Variants in SUMF1 observed in about 807,000 individuals in gnomAD.
SUMF1 encodes the protein formylglycine-generating enzyme.
SUMF1 carries 48 observed loss-of-function variants against 47.6 expected under a neutral mutation model. That is an observed-to-expected ratio of 1.01 (90% confidence interval 0.80 to 1.28). The LOEUF is 1.28. SUMF1 is among the 50% of genes most tolerant of loss of function. SUMF1 has a pLI of 0.00. For missense variants in SUMF1, 571 were observed against 485.4 expected (o/e 1.18, Z -1.66); for synonymous variants, 230 against 192.1 (o/e 1.20, Z -1.63).
At chr3:4,194,724 C>T (rs1446049469) in intron 8 of SUMF1, among the ~76,000 whole-genome samples, 1 of 152,144 alleles carries the variant, frequency 6.6e-6, no homozygotes, top group Non-Finnish European at 1.5e-5. Context: ...ATCATCATTA[C>T]CAGAATTATT....
intron 8 of SUMF1, among the ~76,000 whole-genome samples, chr3:4,349,286 A>G (rs1050632869): frequency 6.6e-6 from 1 of 152,258 alleles, no homozygotes; most frequent in African/African-American, 2.4e-5. Context: ...ACAATGAGAT[A>G]CCATTTCACG....
chr3:4,213,099 A>C (rs1189173878), intron 8 of SUMF1, among the ~76,000 whole-genome samples: 1 of 152,140 alleles, frequency 6.6e-6, no homozygotes, highest in Non-Finnish European at 1.5e-5. Flanking sequence ...CAACCCCAAG[A>C]CGCATAATCA....
At position 4,114,364 on chromosome 3, in the gene SUMF1, A is replaced by G. The variant is rs536791097; in HGVS notation, c.1015-45619T>C. On this transcript the variant is annotated intron_variant and NMD_transcript_variant, in intron 8 of 12. Coordinates refer to the SUMF1 transcript ENST00000448413. The stretch of plus-strand genomic sequence containing the variant: ...AAAAAGGAAATGAGTCTAGACTACC[A>G]TGTGATGAAAGTACCTCTAAATTCT... Among the ~76,000 whole-genome samples, 11 of 152,236 alleles carry G rather than the reference A, an allele frequency of 7.2e-5. No individual in the cohort carries two copies. In the East Asian group the frequency reaches 1.9e-3, roughly 27 times the overall value.
In SUMF1 at chr3:4,152,570, G is replaced by T. The variant is rs140071020; in HGVS notation, c.1015-83825C>A. Among the ~76,000 whole-genome samples the T allele has an allele frequency of 2.0e-5, 3 of 151,448 alleles. No individual in the cohort carries two copies. In the South Asian group the frequency reaches 6.2e-4, roughly 31 times the overall value. On this transcript the variant is annotated intron_variant and NMD_transcript_variant, in intron 8 of 12. Transcript: ENST00000448413. ...AGCCTCCCACAGTGCTGGGATTACA[G>T]GCATGAGCCACCGTGCCTGGCCCAG...
At chr3:4,175,150 TC>T (rs1403069822) in intron 8 of SUMF1, among the ~76,000 whole-genome samples, 1 of 152,148 alleles carries the variant, frequency 6.6e-6, no homozygotes, top group African/African-American at 2.4e-5. Context: ...GATTTAAACG[TC>T]CCTGTCTGAC....
intron 8 of SUMF1, among the ~76,000 whole-genome samples, chr3:4,209,497 A>G (rs1695732730): frequency 6.6e-6 from 1 of 152,170 alleles, no homozygotes; most frequent in Non-Finnish European, 1.5e-5. Flanking sequence ...TATTTAATCT[A>G]TAAGGAAAGT....
chr3:4,271,032 G>C (rs1201127194), intron 8 of SUMF1, among the ~76,000 whole-genome samples: 1 of 152,152 alleles, frequency 6.6e-6, no homozygotes, highest in Non-Finnish European at 1.5e-5. Flanking sequence ...GTTAATGGTA[G>C]TATTAGAAAT....
At chr3:4,310,342 TAA>T (rs1479029442) in intron 8 of SUMF1, among the ~76,000 whole-genome samples, 1 of 152,242 alleles carries the variant, frequency 6.6e-6, no homozygotes, top group Non-Finnish European at 1.5e-5. Flanking sequence ...TAAATTAGAC[TAA>T]AAGTTTTCAA....
intron 8 of SUMF1, among the ~76,000 whole-genome samples, chr3:4,179,004 A>C (rs1055462658): frequency 4.6e-5 from 7 of 152,198 alleles, no homozygotes; most frequent in African/African-American, 1.7e-4. Context: ...GGACCTCTTC[A>C]AGGAGAACTA....
intron 8 of SUMF1, among the ~76,000 whole-genome samples, chr3:4,306,139 C>T (rs970012914): frequency 1.1e-4 from 16 of 152,138 alleles, no homozygotes; most frequent in African/African-American, 2.9e-4. Context: ...ATATTCCTGC[C>T]GTGCGTGTGT....
chr3:4,285,935 C>A (rs1232819024), intron 8 of SUMF1, among the ~76,000 whole-genome samples: 1 of 152,026 alleles, frequency 6.6e-6, no homozygotes, highest in Non-Finnish European at 1.5e-5. Flanking sequence ...ATAGTCGGAG[C>A]ATGTTGTCAA....
At chr3:4,247,166 G>A (rs188621359) in intron 8 of SUMF1, among the ~76,000 whole-genome samples, 1 of 152,196 alleles carries the variant, frequency 6.6e-6, no homozygotes, top group Non-Finnish European at 1.5e-5. Flanking sequence ...TGGTGAAACA[G>A]TGTGTCAGCA....
chr3:4,406,821 GAA>G (rs1393178743), intron 7 of SUMF1, among the ~76,000 whole-genome samples: 1 of 152,178 alleles, frequency 6.6e-6, no homozygotes, highest in Non-Finnish European at 1.5e-5. Flanking sequence ...CCTTGGTACT[GAA>G]AGTGAGTATG....
intron 8 of SUMF1, among the ~76,000 whole-genome samples, chr3:4,162,905 T>TAA (rs35485011): frequency 0.35 from 50,323 of 143,160 alleles, 8,490 homozygotes; most frequent in East Asian, 0.4. Flanking sequence ...GCCTCCCTCA[T>TAA]AAAAAAAAAA....
chr3:4,158,509 T>G (rs1251399738), intron 8 of SUMF1, among the ~76,000 whole-genome samples: 1 of 151,540 alleles, frequency 6.6e-6, no homozygotes, highest in Non-Finnish European at 1.5e-5. Flanking sequence ...TTTGTTGATT[T>G]TCTGTCTGGA....
At chr3:4,422,830 G>T (rs9822821) in intron 3 of SUMF1, among the ~76,000 whole-genome samples, 7 of 151,570 alleles carry the variant, frequency 4.6e-5, no homozygotes, top group South Asian at 4.2e-4. Flanking sequence ...AGGTTTCTGA[G>T]GAACAGGTGG....
Position 4,434,307 on chromosome 3 carries a change from A to G in SUMF1, c.520-14161T>C, listed in dbSNP as rs1051343544. 5.9e-5 allele frequency among the ~76,000 whole-genome samples: 9 copies of G among 152,278 alleles called. No homozygotes were observed. In the East Asian group the frequency reaches 1.7e-3, roughly 29 times the overall value. On this transcript the variant is annotated intron_variant, in intron 3 of 8. Transcript: ENST00000272902. ...TATAGTGTACCATACACACACATAC[A>G]AAGTATGTTATTAGTATATTCCTCC... is the stretch of plus-strand genomic sequence containing the variant.
chr3:4,362,226 G>C lies in SUMF1; in HGVS notation c.1043C>G (p.Ala348Gly). Residue 348 changes from alanine (A) to glycine (G), a missense_variant, in exon 9 of 9, where the codon GCT becomes GGT. Physicochemically the swap from Ala to Gly is moderately conservative, Grantham distance 60. Transcript: ENST00000272902. Reference sequence around the variant, plus strand: ...GCTATCAGGTGTGTTCTGGCTCCGAGCAGCACAGCGATACCTGTAACAATA... The same window carrying C: ...GCTATCAGGTGTGTTCTGGCTCCGACCAGCACAGCGATACCTGTAACAATA... Reference protein sequence around the residue: ...RSYCYRYRCAARSQNTPDSSA... With the variant: ...RSYCYRYRCAGRSQNTPDSSA... The C allele has an allele frequency of 1.9e-6, 3 of 1,614,200 alleles. No individual in the cohort carries two copies. The highest frequency in any genetic ancestry group is 2.5e-6 in the Non-Finnish European group (3 of 1,180,026).
At chr3:4,457,040 A>G (rs938817229) in intron 1 of SUMF1, among the ~76,000 whole-genome samples, 70 of 101,922 alleles carry the variant, frequency 6.9e-4, no homozygotes, top group African/African-American at 1.2e-3. Context: ...GTGTGTGTGT[A>G]TATATATATA....
Sources: allele counts gnomAD v4.1 joint callset (sites outside exome capture counted in the v4.1 genomes callset), GRCh38; gene constraint gnomAD v4.1.1; transcripts MANE v1.5; gene names NCBI Gene and HGNC (gene_info 2026-07-23, HGNC 2026-07-21).